RBFOX3: variants seen among roughly 807,000 people sequenced by gnomAD.
RBFOX3 encodes RNA binding protein fox-1 homolog 3.
Under a neutral mutation model 48.7 loss-of-function variants are expected in RBFOX3, and 17 were observed. That is an observed-to-expected ratio of 0.35 (90% CI 0.24 to 0.52). RBFOX3 has a LOEUF of 0.52. RBFOX3 is among the 20% of genes least tolerant of loss of function. The pLI, the probability that RBFOX3 is intolerant of heterozygous loss-of-function variation, is 0.94. For missense variants in RBFOX3, 382 were observed against 497.5 expected (o/e 0.77, Z 2.21); for synonymous variants, 212 against 209.5 (o/e 1.01, Z -0.10).
At chr17:79,584,939 G>A (rs1277787801) in intron 1 of RBFOX3, among the ~76,000 whole-genome samples, 1 of 151,850 alleles carries the variant, frequency 6.6e-6, no homozygotes, top group Non-Finnish European at 1.5e-5. Context: ...CTACTTTTTT[G>A]TATTTTTAGT....
intron 2 of RBFOX3, among the ~76,000 whole-genome samples, chr17:79,401,721 G>A (rs2062833510): frequency 6.6e-6 from 1 of 152,178 alleles, no homozygotes; most frequent in African/African-American, 2.4e-5. Context: ...TACATGGGGC[G>A]TCCTCTCTAT....
chr17:79,475,659 C>A lies in RBFOX3; in HGVS notation c.-175+6795G>T, dbSNP rs1041865598. Among the ~76,000 whole-genome samples the A allele has an allele frequency of 5.9e-5, 9 of 152,182 alleles. 1 individual carries two copies. Among genetic ancestry groups the A allele is most frequent in the African/African-American group, 1.7e-4 (7 of 41,434 alleles). On this transcript the variant is annotated intron_variant, in intron 2 of 14. Coordinates refer to ENST00000693108, the MANE Select transcript of RBFOX3 (RefSeq NM_001350451.2). ...GGGAATGAGAACACACAGGTGCACA[C>A]ACATGCATGCGTGCACACATGTACA...
intron 1 of RBFOX3, among the ~76,000 whole-genome samples, chr17:79,552,936 T>C (rs1429698855): frequency 3.3e-5 from 5 of 152,226 alleles, no homozygotes; most frequent in Non-Finnish European, 7.3e-5. Context: ...AGTATACAAT[T>C]ATATCATCTA....
In RBFOX3 at chr17:79,311,821, C is replaced by A. The variant is rs542142117; in HGVS notation, c.-174-3997G>T. Among the ~76,000 whole-genome samples the A allele has an allele frequency of 2.0e-5, 3 of 152,232 alleles. No homozygotes were observed. Among genetic ancestry groups the A allele is most frequent in the Admixed American group, 2.0e-4 (3 of 15,292 alleles). On this transcript the variant is annotated intron_variant, in intron 2 of 14. Coordinates refer to ENST00000693108, the MANE Select transcript of RBFOX3 (RefSeq NM_001350451.2). This position sits in a 1 kb window ranked among gnomAD's most constrained non-coding sequence, Gnocchi z 4.2. ...GCAGAAACGGGGAACAGGAAGGAGG[C>A]AGCCCAAAGCCTCATGTCTGCTTGG...
intron 1 of RBFOX3, among the ~76,000 whole-genome samples, chr17:79,541,333 C>T (rs1411288108): frequency 6.6e-6 from 1 of 152,170 alleles, no homozygotes; most frequent in African/African-American, 2.4e-5. Flanking sequence ...CTCAGAAACA[C>T]TCACACTAAA....
intron 1 of RBFOX3, among the ~76,000 whole-genome samples, chr17:79,491,375 T>C (rs2080615129): frequency 6.6e-6 from 1 of 151,664 alleles, no homozygotes; most frequent in African/African-American, 2.4e-5. Flanking sequence ...TTTGAGGAAT[T>C]TTAAGTAGGA....
chr17:79,374,631 A>ATG (rs2058994181), intron 2 of RBFOX3, among the ~76,000 whole-genome samples: 1 of 152,240 alleles, frequency 6.6e-6, no homozygotes, highest in Non-Finnish European at 1.5e-5. Context: ...CGCACGGCAC[A>ATG]TGTGTACACG....
chr17:79,286,474 G>T (rs2071906704), intron 3 of RBFOX3, among the ~76,000 whole-genome samples: 1 of 152,186 alleles, frequency 6.6e-6, no homozygotes, highest in Non-Finnish European at 1.5e-5. Flanking sequence ...AGCAAAGCCT[G>T]TTGAACAGAA....
intron 2 of RBFOX3, among the ~76,000 whole-genome samples, chr17:79,436,070 C>T (rs1200224429): frequency 3.9e-5 from 6 of 152,214 alleles, no homozygotes; most frequent in African/African-American, 1.4e-4. Context: ...GCCTCACTTC[C>T]CCAGGCCCAT....
intron 2 of RBFOX3, among the ~76,000 whole-genome samples, chr17:79,366,227 C>A (rs946456076): frequency 1.2e-4 from 19 of 152,346 alleles, no homozygotes; most frequent in African/African-American, 4.6e-4. Context: ...CCAGGCACCG[C>A]ACTAGTCTTT....
intron 3 of RBFOX3, among the ~76,000 whole-genome samples, chr17:79,305,894 G>A (rs1458561970): frequency 1.3e-5 from 2 of 152,200 alleles, no homozygotes; most frequent in African/African-American, 4.8e-5. Flanking sequence ...ACCATCCAGG[G>A]CTGACCTGCC....
chr17:79,264,970 G>A (rs147940347), intron 3 of RBFOX3, among the ~76,000 whole-genome samples: 2 of 151,968 alleles, frequency 1.3e-5, no homozygotes, highest in Admixed American at 6.6e-5. Flanking sequence ...AGAGGAGGGG[G>A]GGGGGGCGCA....
At position 79,214,015 on chromosome 17, in the gene RBFOX3, G is replaced by A. The variant is rs111255096; in HGVS notation, c.-34+21751C>T. ...GCGGATCAGACTTGGTTCCGTTTCC[G>A]AAGGTGGTGCCAGCGGATGTTGGGA... is the stretch of plus-strand genomic sequence containing the variant. On this transcript the variant is annotated intron_variant, in intron 4 of 14. Coordinates refer to ENST00000693108, the MANE Select transcript of RBFOX3 (RefSeq NM_001350451.2). The surrounding 1 kb of genome is among the most constrained non-coding windows in gnomAD (Gnocchi z 4.7). 1.5e-3 allele frequency among the ~76,000 whole-genome samples: 223 copies of A among 152,314 alleles called. 2 individuals are homozygous for A. Among genetic ancestry groups the A allele is most frequent in the East Asian group, 5.0e-3 (26 of 5,164 alleles).
At chr17:79,518,246 G>A (rs1259032618) in intron 1 of RBFOX3, among the ~76,000 whole-genome samples, 1 of 152,206 alleles carries the variant, frequency 6.6e-6, no homozygotes, top group South Asian at 2.1e-4. Context: ...GTGTTAGAGA[G>A]GACTATTATG....
At chr17:79,648,018 A>T in the RBFOX3 span, among the ~76,000 whole-genome samples, 3 of 150,808 alleles carry the variant, frequency 2.0e-5, no homozygotes, top group Non-Finnish European at 4.4e-5. Flanking sequence ...GCAGTAGGAG[A>T]CACAGAGCCT....
chr17:79,338,099 C>T (rs771915130), intron 2 of RBFOX3, among the ~76,000 whole-genome samples: 2 of 151,976 alleles, frequency 1.3e-5, no homozygotes, highest in African/African-American at 2.4e-5. Flanking sequence ...CCACCATGCC[C>T]GGATAATTTT....
chr17:79,103,286 G>T lies in RBFOX3; in HGVS notation c.415-32C>A. The stretch of plus-strand genomic sequence containing the variant: ...GCAGAGGAGAGGGAAGGACAGGCAC[G>T]GAGAGGAGGACACAGGGCGAGAAAG... On this transcript the variant is annotated intron_variant, in intron 7 of 14. Transcript: ENST00000693108. The surrounding 1 kb of genome is among the most constrained non-coding windows in gnomAD (Gnocchi z 6.1). The T allele has an allele frequency of 1.4e-6, 2 of 1,455,996 alleles. No individual in the cohort carries two copies. The allele number at this position is 1,455,996 out of a possible 1,614,324, so 90.2% of individuals were successfully genotyped here.
At chr17:79,657,805 A>G in the RBFOX3 span, among the ~76,000 whole-genome samples, 1 of 152,372 alleles carries the variant, frequency 6.6e-6, no homozygotes, top group Non-Finnish European at 1.5e-5. Context: ...TGCAGGTCCC[A>G]GGCATCTGCC....
At chr17:79,149,947 C>A (rs1599681876) in intron 4 of RBFOX3, among the ~76,000 whole-genome samples, 2 of 107,224 alleles carry the variant, frequency 1.9e-5, no homozygotes, top group African/African-American at 6.7e-5. Context: ...AGGCTAAGTG[C>A]CAGGGTGGGG....
Sources: allele counts gnomAD v4.1 joint callset (sites outside exome capture counted in the v4.1 genomes callset), GRCh38; gene constraint gnomAD v4.1.1; non-coding constraint Gnocchi (gnomAD v3.1); transcripts MANE v1.5; gene names NCBI Gene and HGNC (gene_info 2026-07-23, HGNC 2026-07-21).